Variants in ASTN2 observed in about 807,000 individuals in gnomAD.
ASTN2 encodes the protein astrotactin 2, also known as astrotactin-2.
ASTN2 carries 54 observed loss-of-function variants against 139.8 expected under a neutral mutation model. That is an observed-to-expected ratio of 0.39 (90% CI 0.31 to 0.48). ASTN2 has a LOEUF of 0.48. ASTN2 is among the 20% of genes least tolerant of loss of function. The pLI, the probability that ASTN2 is intolerant of heterozygous loss-of-function variation, is 0.95. For missense variants in ASTN2, 1,565 were observed against 1,725.1 expected, an observed-to-expected ratio of 0.91 and a Z score of 1.64; for synonymous variants, 756 against 719.5, an observed-to-expected ratio of 1.05 and a Z score of -0.81.
intron 13 of ASTN2, among the ~76,000 whole-genome samples, chr9:116,762,598 G>T (rs916255783): frequency 1.3e-5 from 2 of 152,116 alleles, no homozygotes; most frequent in African/African-American, 4.8e-5. Context: ...ATTTTTTATT[G>T]CCTGGAAAAA....
At chr9:117,359,271 AG>A (rs1303614168) in intron 1 of ASTN2, among the ~76,000 whole-genome samples, 1 of 152,158 alleles carries the variant, frequency 6.6e-6, no homozygotes, top group Non-Finnish European at 1.5e-5. Flanking sequence ...GGTTGTTTTG[AG>A]GATTAACAGG....
chr9:117,346,049 G>A (rs1203190373), intron 1 of ASTN2, among the ~76,000 whole-genome samples: 3 of 122,922 alleles, frequency 2.4e-5, no homozygotes, highest in Non-Finnish European at 3.6e-5. Context: ...ATTATACCAG[G>A]CATTTTCCAG....
At chr9:116,939,087 C>G (rs1033335007) in intron 10 of ASTN2, among the ~76,000 whole-genome samples, 1 of 152,158 alleles carries the variant, frequency 6.6e-6, no homozygotes, top group Non-Finnish European at 1.5e-5. Context: ...TCAGGCTTTG[C>G]TGGTGGGCCA....
At chr9:117,246,856 G>A (rs567060626) in intron 2 of ASTN2, among the ~76,000 whole-genome samples, 51 of 152,238 alleles carry the variant, frequency 3.4e-4, no homozygotes, top group African/African-American at 1.2e-3. Flanking sequence ...ATCACCAAAG[G>A]ACAGGGTGTA....
chr9:116,948,785 G>GTTTTTTTTTTTTGTTTTTTTTTT lies in ASTN2; in HGVS notation c.1889+26422_1889+26423insAAAAAAAAAACAAAAAAAAAAAA, dbSNP rs1835471789. Among the ~76,000 whole-genome samples, 33 of 49,474 alleles carry GTTTTTTTTTTTTGTTTTTTTTTT rather than the reference G, an allele frequency of 6.7e-4. 5 individuals carry two copies. The highest frequency in any genetic ancestry group is 7.7e-4 in the Admixed American group (2 of 2,608). The allele number at this position is 49,474 out of a possible 152,430, so 32.5% of individuals were successfully genotyped here. A position where few individuals can be genotyped will look rare whatever the true frequency, so the allele number is the denominator to read the frequency against. On this transcript the variant is annotated intron_variant, in intron 10 of 22. Coordinates refer to ENST00000313400, the MANE Select transcript of ASTN2 (RefSeq NM_001365068.1). ...AGAGAGAGGAGAGAAATAATTTGGT[G>GTTTTTTTTTTTTGTTTTTTTTTT]TTTTTTTTTTTTTTTTTTTTTTTTT...
chr9:116,570,581 T>C (rs1853464698), intron 19 of ASTN2, among the ~76,000 whole-genome samples: 1 of 152,182 alleles, frequency 6.6e-6, no homozygotes, highest in Non-Finnish European at 1.5e-5. Flanking sequence ...GTATTTTTAG[T>C]ACAGACGGGG....
intron 18 of ASTN2, among the ~76,000 whole-genome samples, chr9:116,618,734 T>G (rs1442531927): frequency 1.3e-5 from 2 of 152,228 alleles, no homozygotes; most frequent in Non-Finnish European, 2.9e-5. Context: ...ACACAATATG[T>G]GCTCAATGGC....
At chr9:116,570,124 G>T (rs1027186557) in intron 19 of ASTN2, among the ~76,000 whole-genome samples, 8 of 152,148 alleles carry the variant, frequency 5.3e-5, no homozygotes, top group Admixed American at 5.2e-4. Context: ...TTCTAGCCTT[G>T]CTTTCTTTAT....
intron 1 of ASTN2, among the ~76,000 whole-genome samples, chr9:117,317,785 C>A (rs1224878046): frequency 6.6e-6 from 1 of 152,092 alleles, no homozygotes; most frequent in Non-Finnish European, 1.5e-5. Flanking sequence ...GAGAGGATGC[C>A]CCAGAGAGCC....
intron 19 of ASTN2, among the ~76,000 whole-genome samples, chr9:116,524,681 C>A (rs1232476742): frequency 6.6e-6 from 1 of 152,126 alleles, no homozygotes; most frequent in East Asian, 1.9e-4. Flanking sequence ...CATAAAGTTC[C>A]CTGTACAATG....
chr9:116,677,457 G>A (rs908267143), intron 16 of ASTN2, among the ~76,000 whole-genome samples: 1 of 152,190 alleles, frequency 6.6e-6, no homozygotes, highest in Admixed American at 6.5e-5. Context: ...TTGGCATTAT[G>A]AGAGAGCTTT....
chr9:117,317,456 A>G (rs1828179528), intron 1 of ASTN2, among the ~76,000 whole-genome samples: 1 of 152,170 alleles, frequency 6.6e-6, no homozygotes, highest in Non-Finnish European at 1.5e-5. Context: ...CTTGGTGCAG[A>G]TTTGTTGAAT....
At chr9:117,252,816 C>T (rs538753802) in intron 2 of ASTN2, among the ~76,000 whole-genome samples, 1 of 152,310 alleles carries the variant, frequency 6.6e-6, no homozygotes, top group South Asian at 2.1e-4. Flanking sequence ...CCATTCTCTG[C>T]AGCCTCTTAC....
At chr9:117,017,024 C>T (rs970425087) in intron 6 of ASTN2, among the ~76,000 whole-genome samples, 4 of 151,556 alleles carry the variant, frequency 2.6e-5, no homozygotes, top group African/African-American at 9.7e-5. Flanking sequence ...TACGGTCTTG[C>T]TTCAAAGTTG....
intron 20 of ASTN2, among the ~76,000 whole-genome samples, chr9:116,475,603 C>T (rs1037621300): frequency 2.6e-5 from 4 of 152,220 alleles, no homozygotes; most frequent in Non-Finnish European, 2.9e-5. Flanking sequence ...ATTGGGTGCA[C>T]CCTTTTGTGT....
intron 1 of ASTN2, among the ~76,000 whole-genome samples, chr9:117,370,070 A>G (rs1005525539): frequency 6.6e-6 from 1 of 152,126 alleles, no homozygotes; most frequent in South Asian, 2.1e-4. Flanking sequence ...CCACCCTTCT[A>G]TTAACCCCAC....
chr9:116,705,477 C>T (rs1346253258), intron 16 of ASTN2, among the ~76,000 whole-genome samples: 1 of 152,164 alleles, frequency 6.6e-6, no homozygotes, highest in African/African-American at 2.4e-5. Context: ...TTTCCCTATA[C>T]AGATAAAACC....
intron 10 of ASTN2, among the ~76,000 whole-genome samples, chr9:116,922,082 C>A (rs1484530212): frequency 6.6e-6 from 1 of 152,174 alleles, no homozygotes; most frequent in African/African-American, 2.4e-5. Flanking sequence ...TGCCCTAGAA[C>A]CTCTTCCTTC....
At chr9:116,950,904 T>C (rs1033933222) in intron 10 of ASTN2, among the ~76,000 whole-genome samples, 1 of 152,184 alleles carries the variant, frequency 6.6e-6, no homozygotes, top group Non-Finnish European at 1.5e-5. Context: ...TGGAGGAAGA[T>C]AGATTCTTTC....
Sources: allele counts gnomAD v4.1 joint callset (sites outside exome capture counted in the v4.1 genomes callset), GRCh38; gene constraint gnomAD v4.1.1; transcripts MANE v1.5; gene names NCBI Gene and HGNC (gene_info 2026-07-23, HGNC 2026-07-21).